Variants in MAPKAPK2 observed in about 807,000 individuals in gnomAD.
MAPKAPK2 encodes MAPK activated protein kinase 2, also known as MAP kinase-activated protein kinase 2.
Under a neutral mutation model 48.8 loss-of-function variants are expected in MAPKAPK2, and 9 were observed. The observed-to-expected ratio is 0.18, with a 90% CI of 0.11 to 0.32. The LOEUF is 0.32. Among genes scored for constraint, MAPKAPK2 ranks in the 10% least tolerant of loss-of-function variants. MAPKAPK2 has a pLI of 1.00. For missense variants in MAPKAPK2, 331 were observed against 498.3 expected, an observed-to-expected ratio of 0.66 and a Z score of 3.20; for synonymous variants, 202 against 190.6, an observed-to-expected ratio of 1.06 and a Z score of -0.49.
intron 1 of MAPKAPK2, among the ~76,000 whole-genome samples, chr1:206,724,213 G>A (rs556132171): frequency 3.4e-4 from 52 of 152,208 alleles, no homozygotes; most frequent in Non-Finnish European, 5.1e-4. Flanking sequence ...CTTCTGGGTG[G>A]ACCTGCCGCC....
chr1:206,717,653 G>T (rs1278084909), intron 1 of MAPKAPK2, among the ~76,000 whole-genome samples: 1 of 152,130 alleles, frequency 6.6e-6, no homozygotes, highest in East Asian at 1.9e-4. Flanking sequence ...TCCTCCTGTG[G>T]CCAGTGTGAA....
chr1:206,698,018 A>G (rs1442165069), intron 1 of MAPKAPK2, among the ~76,000 whole-genome samples: 2 of 152,264 alleles, frequency 1.3e-5, no homozygotes, highest in African/African-American at 4.8e-5. Context: ...CTGCTGGGAA[A>G]ATAACCTGAT....
chr1:206,717,208 C>T (rs1197822387), intron 1 of MAPKAPK2, among the ~76,000 whole-genome samples: 3 of 152,174 alleles, frequency 2.0e-5, no homozygotes, highest in Non-Finnish European at 4.4e-5. Flanking sequence ...GCCATGTGGC[C>T]TTGGGCAAAT....
intron 1 of MAPKAPK2, chr1:206,695,953 G>A: frequency 1.4e-6 from 1 of 700,920 alleles, no homozygotes; most frequent in Non-Finnish European, 2.6e-6. Context: ...TGGGCCCCAG[G>A]TCCAGGGGTC....
intron 1 of MAPKAPK2, chr1:206,696,036 G>T: frequency 1.2e-6 from 1 of 837,586 alleles, no homozygotes. Context: ...GCCACATCCC[G>T]GGCAGCCAAC....
At chr1:206,729,215 C>A in intron 3 of MAPKAPK2, 116 bp downstream of exon 3, 1 of 1,241,344 alleles carries the variant, frequency 8.1e-7, no homozygotes, top group Non-Finnish European at 1.2e-6. Context: ...CCCCCTCCAG[C>A]ATGCTGCAAG....
intron 1 of MAPKAPK2, among the ~76,000 whole-genome samples, chr1:206,715,396 C>T (rs1368024172): frequency 3.3e-5 from 5 of 152,168 alleles, no homozygotes; most frequent in South Asian, 4.1e-4. Context: ...GGCAGTTGCT[C>T]GTGTCTTTGC....
At position 206,715,094 on chromosome 1, in the gene MAPKAPK2, C is replaced by T. The variant is rs541740852; in HGVS notation, c.280-13616C>T. Among the ~76,000 whole-genome samples, 23 of 152,302 alleles carry T rather than the reference C, an allele frequency of 1.5e-4. 1 individual carries two copies. The South Asian group carries it at 4.1e-3, about 27-fold the overall frequency. On this transcript the variant is annotated intron_variant, in intron 1 of 9. Transcript: ENST00000367103. ...GATTGTAAGTTGGTTTATGGTCTAG[C>T]TTAGAATTGAGGCTTCTCTTGAGAG... is the stretch of plus-strand genomic sequence containing the variant.
intron 1 of MAPKAPK2, among the ~76,000 whole-genome samples, chr1:206,719,390 TA>T (rs1334713138): frequency 6.6e-6 from 1 of 152,240 alleles, no homozygotes; most frequent in Non-Finnish European, 1.5e-5. Context: ...TTCCCCGTTG[TA>T]AGTTTTAGCT....
At chr1:206,692,775 T>C (rs1435719163) in intron 1 of MAPKAPK2, among the ~76,000 whole-genome samples, 3 of 152,198 alleles carry the variant, frequency 2.0e-5, no homozygotes, top group Non-Finnish European at 4.4e-5. Context: ...GGGCATCTTA[T>C]TCTTGAGGGA....
chr1:206,719,085 T>G (rs561830584), intron 1 of MAPKAPK2, among the ~76,000 whole-genome samples: 1 of 152,368 alleles, frequency 6.6e-6, no homozygotes, highest in African/African-American at 2.4e-5. Flanking sequence ...TTTCTCTTGC[T>G]TTGAACTGCC....
Position 206,732,350 on chromosome 1 carries a change from G to T in MAPKAPK2, c.1060-225G>T. On this transcript the variant is annotated intron_variant, in intron 9 of 9. Transcript: ENST00000367103. This position sits in a 1 kb window ranked among gnomAD's most constrained non-coding sequence, Gnocchi z 4.4. ...CTGCGGGATCACTGGGGGGCTCTCA[G>T]GGAACAGCAGCAGTGCCATAGCCAG... is the stretch of plus-strand genomic sequence containing the variant. 1 of 1,444,156 alleles carries T rather than the reference G, an allele frequency of 6.9e-7. No individual in the cohort carries two copies. Among genetic ancestry groups the T allele is most frequent in the Non-Finnish European group, 9.1e-7 (1 of 1,101,982 alleles). The allele number at this position is 1,444,156 out of a possible 1,614,324, so 89.5% of individuals were successfully genotyped here. A position where few individuals can be genotyped will look rare whatever the true frequency, so the allele number is the denominator to read the frequency against.
intron 1 of MAPKAPK2, among the ~76,000 whole-genome samples, chr1:206,686,821 C>T (rs868918491): frequency 3.3e-5 from 5 of 152,150 alleles, no homozygotes; most frequent in African/African-American, 9.7e-5. Flanking sequence ...TCCTGCTGCT[C>T]TCATACTCAA....
chr1:206,730,367 C>T (rs541051660), intron 5 of MAPKAPK2, among the ~76,000 whole-genome samples: 1 of 152,346 alleles, frequency 6.6e-6, no homozygotes, highest in Non-Finnish European at 1.5e-5. Flanking sequence ...AGGTCTTGTT[C>T]TGGAGCCACA....
chr1:206,731,579 AAAGGAGC>A lies in MAPKAPK2; in HGVS notation c.893-59_893-53del. 1 of 1,426,656 alleles carries A rather than the reference AAAGGAGC, an allele frequency of 7.0e-7. No individual in the cohort carries two copies. The highest frequency in any genetic ancestry group is 9.9e-7 in the Non-Finnish European group (1 of 1,009,576). 88.4% of individuals were successfully genotyped at this position (1,426,656 alleles called of 1,614,324 possible). On this transcript the variant is annotated intron_variant, in intron 7 of 9. Transcript: ENST00000367103. This position sits in a 1 kb window ranked among gnomAD's most constrained non-coding sequence, Gnocchi z 5.9. ...CCTGGTTTCCCCATGAAAACTGGGG[AAAGGAGC>A]AGGCCAGGGAGAGTGACCCCTGAGC...
chr1:206,732,866 C>A lies in MAPKAPK2; in HGVS notation c.*148C>A. On this transcript the variant is annotated 3_prime_UTR_variant, in exon 10 of 10. Coordinates refer to ENST00000367103, the MANE Select transcript of MAPKAPK2 (RefSeq NM_032960.4). This position sits in a 1 kb window ranked among gnomAD's most constrained non-coding sequence, Gnocchi z 4.4. ...GAACTGCATCAGTGACTGAATTCTG[C>A]CTTGGTTCTGGCCACCCCAGAGTGG... 2.0e-6 allele frequency: 2 copies of A among 994,216 alleles called. No homozygotes were observed. Among genetic ancestry groups the A allele is most frequent in the East Asian group, 2.7e-5 (1 of 37,526 alleles). 61.6% of individuals were successfully genotyped at this position (994,216 alleles called of 1,614,324 possible). A position where few individuals can be genotyped will look rare whatever the true frequency, so the allele number is the denominator to read the frequency against.
chr1:206,685,301 CA>C lies in MAPKAPK2; in HGVS notation c.73del (p.Thr25ProfsTer111). On this transcript the variant is annotated frameshift_variant, in exon 1 of 10. Coordinates refer to ENST00000367103, the MANE Select transcript of MAPKAPK2 (RefSeq NM_032960.4). LOFTEE classifies it high-confidence loss of function. The stretch of plus-strand genomic sequence containing the variant: ...CCCCGGCCCCGCCGCCGCAGCCCCC[CA>C]CCCCTGCCCTGCCGCACCCCCCGGC... ...PAPAPPPQPP[T>X]PALPHPPAQP... The C allele has an allele frequency of 8.7e-6, 6 of 687,570 alleles. No individual in the cohort carries two copies. The highest frequency in any genetic ancestry group is 1.3e-5 in the Non-Finnish European group (6 of 458,912). The allele number at this position is 687,570 out of a possible 1,614,324, so 42.6% of individuals were successfully genotyped here. A position where few individuals can be genotyped will look rare whatever the true frequency, so the allele number is the denominator to read the frequency against.
intron 1 of MAPKAPK2, among the ~76,000 whole-genome samples, chr1:206,718,225 G>A (rs1553430691): frequency 6.6e-6 from 1 of 152,198 alleles, no homozygotes; most frequent in Non-Finnish European, 1.5e-5. Flanking sequence ...GGTGGAAGCA[G>A]TTCTGTTTAA....
At chr1:206,688,624 G>A (rs1433300291) in intron 1 of MAPKAPK2, among the ~76,000 whole-genome samples, 1 of 152,080 alleles carries the variant, frequency 6.6e-6, no homozygotes, top group Non-Finnish European at 1.5e-5. Flanking sequence ...CAAGAACATG[G>A]GAATTCTATT....
Sources: gnomAD v4.1 joint callset for allele counts (sites outside exome capture counted in the v4.1 genomes callset) on GRCh38, gnomAD v4.1.1 for gene constraint, Gnocchi (gnomAD v3.1) non-coding constraint, MANE v1.5 for transcripts, NCBI Gene and HGNC (gene_info 2026-07-23, HGNC 2026-07-21) for gene names.